The following SDHA variants were observed in gnomAD, a reference collection of about 807,000 sequenced individuals.
SDHA encodes succinate dehydrogenase complex flavoprotein subunit A.
SDHA carries 48 observed loss-of-function variants against 78.4 expected under a neutral mutation model. The ratio of observed to expected loss-of-function variants is 0.61; its 90% CI spans 0.49 to 0.78. The LOEUF is 0.78. Among genes scored for constraint, SDHA ranks in the 30% least tolerant of loss-of-function variants. The pLI, the probability that SDHA is intolerant of heterozygous loss-of-function variation, is 0.00. For missense variants in SDHA, 680 were observed against 892.7 expected, an observed-to-expected ratio of 0.76 and a Z score of 3.04; for synonymous variants, 326 against 353.9, an observed-to-expected ratio of 0.92 and a Z score of 0.88.
Position 233,595 on chromosome 5 carries a change from G to A in SDHA, c.1014G>A (p.Ala338=), listed in dbSNP as rs201341132. The A allele has an allele frequency of 4.6e-5, 75 of 1,614,100 alleles. No individual in the cohort carries two copies. The highest frequency in any genetic ancestry group is 5.4e-5 in the Non-Finnish European group (64 of 1,180,042). The change falls in exon 8 of 15, where the codon GCG becomes GCA. Residue 338 remains alanine (A), a synonymous_variant. Coordinates refer to ENST00000264932, the MANE Select transcript of SDHA (RefSeq NM_004168.4). ...ERYAPVAKDL[A]SRDVVSRSMT... ...ACGCCCCTGTCGCGAAGGACCTGGC[G>A]TCTAGAGATGTGGTGTCTCGGTCCA...
chr5:225,724 G>T, intron 4 of SDHA, 159 bp from the exon 5 acceptor site: 1 of 1,343,024 alleles, frequency 7.4e-7, no homozygotes, highest in Non-Finnish European at 1.1e-6. Context: ...TGCATTATAT[G>T]TAACAAGAAA....
At chr5:255,364 T>G (rs1737117994) in intron 14 of SDHA, among the ~76,000 whole-genome samples, 1 of 152,000 alleles carries the variant, frequency 6.6e-6, no homozygotes, top group Admixed American at 6.6e-5. Flanking sequence ...TCAGGACTTC[T>G]CATGAAGGCC....
intron 11 of SDHA, among the ~76,000 whole-genome samples, chr5:245,663 TTAC>T: frequency 6.6e-6 from 1 of 152,350 alleles, no homozygotes; most frequent in East Asian, 1.9e-4. Context: ...AAAATCCAGA[TTAC>T]TACTCTTTAC....
At chr5:239,559 TC>T (rs1269141346) in intron 10 of SDHA, among the ~76,000 whole-genome samples, 13 of 104,556 alleles carry the variant, frequency 1.2e-4, no homozygotes, top group African/African-American at 4.7e-4. Flanking sequence ...AAATTCCATC[TC>T]AAAAAAAAAA....
At chr5:238,276 G>C (rs1735908002) in intron 10 of SDHA, among the ~76,000 whole-genome samples, 1 of 151,934 alleles carries the variant, frequency 6.6e-6, no homozygotes, top group Non-Finnish European at 1.5e-5. Context: ...ACACAACTCT[G>C]TGTGTGTCAA....
intron 11 of SDHA, among the ~76,000 whole-genome samples, chr5:245,627 G>C (rs1028542063): frequency 2.0e-5 from 3 of 152,154 alleles, no homozygotes; most frequent in African/African-American, 7.2e-5. Context: ...TCAATTTCTG[G>C]TGCTGGTTTA....
At chr5:236,282 C>A in intron 9 of SDHA, 146 bp from the exon 10 acceptor site, 2 of 788,510 alleles carry the variant, frequency 2.5e-6, no homozygotes, top group Non-Finnish European at 4.4e-6. Context: ...CCTCAGCCTC[C>A]CAAAGTGCTG....
chr5:257,972 G>T (rs75226378), downstream of SDHA, among the ~76,000 whole-genome samples: 20 of 27,052 alleles, frequency 7.4e-4, 1 homozygote, highest in Non-Finnish European at 7.2e-4. Flanking sequence ...AGCATTACTG[G>T]GTGAGCTCCG....
At chr5:252,576 T>G (rs565177933) in intron 13 of SDHA, among the ~76,000 whole-genome samples, 2 of 140,892 alleles carry the variant, frequency 1.4e-5, no homozygotes, top group South Asian at 4.7e-4. Context: ...TAGTAACGAG[T>G]AAGTCACCGT....
intron 5 of SDHA, 59 bp downstream of exon 5, chr5:226,106 G>A: frequency 3.8e-6 from 6 of 1,590,462 alleles, no homozygotes; most frequent in East Asian, 4.5e-5. Flanking sequence ...TATGGTGACA[G>A]TGGGGAATGG....
At chr5:218,974 C>T (rs1734552729) in intron 1 of SDHA, among the ~76,000 whole-genome samples, 1 of 152,042 alleles carries the variant, frequency 6.6e-6, no homozygotes, top group Admixed American at 6.5e-5. Flanking sequence ...AAGCGTGGCG[C>T]GCCCGAGCTT....
At chr5:257,191 G>T (rs147686225), downstream of SDHA, among the ~76,000 whole-genome samples, 1 of 152,176 alleles carries the variant, frequency 6.6e-6, no homozygotes, top group Admixed American at 6.5e-5. Context: ...GGTTTACTAG[G>T]TGAGTGTGTC....
At chr5:221,623 T>C (rs1043936910) in intron 1 of SDHA, among the ~76,000 whole-genome samples, 2 of 144,582 alleles carry the variant, frequency 1.4e-5, no homozygotes, top group Non-Finnish European at 3.0e-5. Context: ...CTTTTAGTTA[T>C]ATGTTCCCCA....
chr5:257,642 C>T (rs1267788962), downstream of SDHA, among the ~76,000 whole-genome samples: 5 of 120,140 alleles, frequency 4.2e-5, no homozygotes, highest in Non-Finnish European at 8.0e-5. Flanking sequence ...TGAGCTCCAC[C>T]CCCTGCCAGA....
At chr5:245,579 G>A (rs557065244) in intron 11 of SDHA, among the ~76,000 whole-genome samples, 6 of 152,238 alleles carry the variant, frequency 3.9e-5, no homozygotes, top group East Asian at 1.9e-4. Context: ...GCCCCTACTC[G>A]AGAAATATTA....
intron 11 of SDHA, among the ~76,000 whole-genome samples, chr5:242,308 C>T (rs1736193739): frequency 6.6e-6 from 1 of 152,190 alleles, no homozygotes; most frequent in Non-Finnish European, 1.5e-5. Context: ...GTTGGTTTAC[C>T]AGAATGAGGG....
intron 5 of SDHA, 100 bp downstream of exon 5, chr5:226,147 T>C: frequency 7.2e-7 from 1 of 1,381,704 alleles, no homozygotes. Context: ...AGCCAGAGAT[T>C]ACGTAAAAAG....
At position 236,462 on chromosome 5, in the gene SDHA, T is replaced by C. The variant is rs1490844767; in HGVS notation, c.1295T>C (p.Val432Ala). The part of the protein sequence containing the change: ...LRHVNGQDQI[V>A]PGLYACGEAA... ...CACGTGAATGGCCAGGATCAGATTG[T>C]GCCCGGCCTGTACGCCTGTGGGGAG... Residue 432 changes from valine (V) to alanine (A), a missense_variant, in exon 10 of 15, where the codon GTG (valine) becomes GCG (alanine). Transcript: ENST00000264932. 6.2e-7 allele frequency: 1 copy of C among 1,613,966 alleles called. No homozygotes were observed. The highest frequency in any genetic ancestry group is 2.2e-5 in the East Asian group (1 of 44,886).
intron 7 of SDHA, among the ~76,000 whole-genome samples, chr5:231,499 G>A (rs1735392488): frequency 6.6e-6 from 1 of 151,304 alleles, no homozygotes; most frequent in African/African-American, 2.4e-5. Context: ...GGCAGAGGTT[G>A]CAGTGAGCCG....
Sources: allele counts gnomAD v4.1 joint callset (sites outside exome capture counted in the v4.1 genomes callset), GRCh38; gene constraint gnomAD v4.1.1; transcripts MANE v1.5; gene names NCBI Gene and HGNC (gene_info 2026-07-23, HGNC 2026-07-21).